Variants in TNKS observed in about 807,000 individuals in gnomAD.
TNKS encodes tankyrase.
TNKS carries 72 observed loss-of-function variants against 135.8 expected under a neutral mutation model. The observed-to-expected ratio is 0.53, with a 90% CI of 0.44 to 0.64. The LOEUF (loss-of-function observed/expected upper bound fraction) is 0.64. TNKS is among the 30% of genes least tolerant of loss of function. The probability of loss-of-function intolerance (pLI) is 0.00; values close to 1 mark genes in which losing one functional copy is unlikely to be tolerated. For missense variants in TNKS, 1,769 were observed against 1,674.0 expected, an observed-to-expected ratio of 1.06 and a Z score of -0.99; for synonymous variants, 849 against 649.3, an observed-to-expected ratio of 1.31 and a Z score of -4.68.
intron 13 of TNKS, 31 bp from the exon 14 acceptor site, chr8:9,730,859 T>C (rs201012618): frequency 8.6e-4 from 1,376 of 1,592,214 alleles, no homozygotes; most frequent in Non-Finnish European, 9.7e-4. Flanking sequence ...ATGTTCGTTT[T>C]GTGTTTGTCT....
intron 2 of TNKS, among the ~76,000 whole-genome samples, chr8:9,581,623 C>G (rs1798170321): frequency 1.3e-5 from 2 of 152,214 alleles, no homozygotes; most frequent in African/African-American, 4.8e-5. Context: ...TTCATCTTCT[C>G]TGCTGTAACT....
chr8:9,717,845 T>G (rs1368348949), intron 11 of TNKS, among the ~76,000 whole-genome samples: 1 of 152,166 alleles, frequency 6.6e-6, no homozygotes, highest in Non-Finnish European at 1.5e-5. Flanking sequence ...TTATTTCTGT[T>G]GGTGGTGGCA....
chr8:9,728,469 A>G (rs1197406785), intron 13 of TNKS, among the ~76,000 whole-genome samples: 1 of 152,170 alleles, frequency 6.6e-6, no homozygotes, highest in Admixed American at 6.5e-5. Context: ...AGCCTCACAA[A>G]ATGAGTTGTG....
At chr8:9,772,334 A>C in intron 26 of TNKS, 1 of 452,478 alleles carries the variant, frequency 2.2e-6, no homozygotes, top group Non-Finnish European at 4.4e-6. Context: ...CAACATCACC[A>C]ATGAGGGACA....
intron 2 of TNKS, among the ~76,000 whole-genome samples, chr8:9,603,904 G>A (rs1799116578): frequency 6.6e-6 from 1 of 152,044 alleles, no homozygotes. Context: ...TTCTTTGAAT[G>A]GTAGAAGTCA....
chr8:9,628,002 C>T (rs894452509), intron 3 of TNKS, among the ~76,000 whole-genome samples: 7 of 152,132 alleles, frequency 4.6e-5, no homozygotes, highest in Non-Finnish European at 1.0e-4. Context: ...GAGAAACATC[C>T]TGCTTCTTTC....
intron 5 of TNKS, among the ~76,000 whole-genome samples, chr8:9,694,889 T>G (rs966735388): frequency 6.6e-6 from 1 of 152,132 alleles, no homozygotes; most frequent in African/African-American, 2.4e-5. Flanking sequence ...CCTAAGAAAT[T>G]AAAAATATTT....
intron 3 of TNKS, among the ~76,000 whole-genome samples, chr8:9,660,626 T>A (rs1801657976): frequency 6.6e-6 from 1 of 152,138 alleles, no homozygotes; most frequent in Non-Finnish European, 1.5e-5. Context: ...CCACAGCCAA[T>A]ATCATACTGA....
intron 20 of TNKS, among the ~76,000 whole-genome samples, chr8:9,752,965 GAA>G (rs767596138): frequency 1.4e-4 from 14 of 97,238 alleles, no homozygotes; most frequent in Admixed American, 2.3e-4. Flanking sequence ...ACCCTATCTC[GAA>G]AAAAAAAAAA....
Position 9,761,590 on chromosome 8 carries a change from C to A in TNKS, c.3228C>A (p.Arg1076=), listed in dbSNP as rs769811033. 10 of 1,603,240 alleles carry A rather than the reference C, an allele frequency of 6.2e-6. No homozygotes were observed. Among genetic ancestry groups the A allele is most frequent in the Non-Finnish European group, 7.6e-6 (9 of 1,177,484 alleles). ...KEIGINAYGH[R]HKLIKGVERL... The stretch of plus-strand genomic sequence containing the variant: ...TAGGCATCAATGCATATGGGCACCG[C>A]CACAAATTAATCAAAGGAGTAGAAA... The change falls in exon 21 of 27, where the codon CGC becomes CGA. Residue 1076 remains arginine (R), a synonymous_variant. Transcript: ENST00000310430.
chr8:9,602,700 C>A (rs747240479), intron 2 of TNKS, among the ~76,000 whole-genome samples: 31 of 152,128 alleles, frequency 2.0e-4, no homozygotes, highest in Non-Finnish European at 4.1e-4. Context: ...CAATGTAATG[C>A]CACACATATA....
rs148567332 is a variant in TNKS at position 9,641,780 on chromosome 8, G to T, written c.994+26103G>T. 2.1e-5 allele frequency among the ~76,000 whole-genome samples: 3 copies of T among 145,586 alleles called. No homozygotes were observed. In the East Asian group the frequency reaches 6.4e-4, roughly 31 times the overall value. ...GATATATTATGTGCGTTTTGTAAAA[G>T]AATTTCTGGAATTACTGTTAGTTTC... is the stretch of plus-strand genomic sequence containing the variant. On this transcript the variant is annotated intron_variant, in intron 3 of 26. Transcript: ENST00000310430.
intron 3 of TNKS, among the ~76,000 whole-genome samples, chr8:9,662,478 AGCAAACTATC>A (rs1268540572): frequency 2.0e-5 from 3 of 152,200 alleles, no homozygotes; most frequent in Admixed American, 6.5e-5. Context: ...CATCATTCTC[AGCAAACTATC>A]GCAAGGACAA....
In TNKS at chr8:9,707,052, G is replaced by A. The variant is rs1473234187; in HGVS notation, c.1456+55G>A. On this transcript the variant is annotated intron_variant, in intron 8 of 26. Coordinates refer to ENST00000310430, the MANE Select transcript of TNKS (RefSeq NM_003747.3). ...GCATAAATTGGAATATTTAATTTCT[G>A]TTGAGTTTTATCTACCTTAAATAAT... The A allele has an allele frequency of 2.2e-5, 31 of 1,434,096 alleles. No individual in the cohort carries two copies. The Admixed American group carries it at 6.7e-4, about 31-fold the overall frequency. The allele number at this position is 1,434,096 out of a possible 1,614,324, so 88.8% of individuals were successfully genotyped here.
Position 9,743,246 on chromosome 8 carries a change from A to G in TNKS, c.2644-4778A>G, listed in dbSNP as rs557908447. On this transcript the variant is annotated intron_variant, in intron 17 of 26. Coordinates refer to ENST00000310430, the MANE Select transcript of TNKS (RefSeq NM_003747.3). ...GTGTTACCCAGTGATCTCTACTTAA[A>G]TCATTTCTTCTTCCTAATATTATCT... Among the ~76,000 whole-genome samples, 13 of 152,310 alleles carry G rather than the reference A, an allele frequency of 8.5e-5. No homozygotes were observed. The South Asian group carries it at 1.7e-3, about 19-fold the overall frequency.
intron 2 of TNKS, 75 bp downstream of exon 2, chr8:9,580,458 T>A (rs574047009): frequency 7.5e-7 from 1 of 1,339,246 alleles, no homozygotes; most frequent in South Asian, 1.3e-5. Flanking sequence ...AAATAGTGTT[T>A]CCTGAGAATA....
intron 3 of TNKS, among the ~76,000 whole-genome samples, chr8:9,627,896 A>G (rs1432855822): frequency 6.6e-6 from 1 of 152,126 alleles, no homozygotes; most frequent in African/African-American, 2.4e-5. Flanking sequence ...TCATTGAAAA[A>G]ATAGATGCCA....
intron 2 of TNKS, among the ~76,000 whole-genome samples, chr8:9,598,765 G>GTGTATATATATATATATA (rs1449352201): frequency 2.0e-5 from 1 of 49,630 alleles, no homozygotes; most frequent in Non-Finnish European, 3.8e-5. Context: ...ATGTGTGTGT[G>GTGTATATATATATATATA]TATATATATA....
chr8:9,694,394 CTA>C (rs1309317723), intron 5 of TNKS, among the ~76,000 whole-genome samples: 1 of 152,012 alleles, frequency 6.6e-6, no homozygotes, highest in African/African-American at 2.4e-5. Context: ...AAGTAAATAA[CTA>C]TTATTTTGGA....
Sources: allele counts gnomAD v4.1 joint callset (sites outside exome capture counted in the v4.1 genomes callset), GRCh38; gene constraint gnomAD v4.1.1; transcripts MANE v1.5; gene names NCBI Gene and HGNC (gene_info 2026-07-23, HGNC 2026-07-21).